Variants in NEGR1 observed in about 807,000 individuals in gnomAD.
The protein encoded by NEGR1 is neuronal growth regulator 1.
A neutral mutation model predicts 40.9 loss-of-function variants in NEGR1; 10 were observed. That is an observed-to-expected ratio of 0.24 (90% CI 0.15 to 0.42). The LOEUF is 0.42. Among genes scored for constraint, NEGR1 ranks in the 10% least tolerant of loss-of-function variants. NEGR1 has a pLI of 1.00. For missense variants in NEGR1, 352 were observed against 438.9 expected (o/e 0.80, Z 1.77); for synonymous variants, 185 against 166.8 (o/e 1.11, Z -0.84).
At chr1:71,745,926 G>A (rs771744476) in intron 3 of NEGR1, among the ~76,000 whole-genome samples, 26 of 152,044 alleles carry the variant, frequency 1.7e-4, no homozygotes, top group African/African-American at 6.0e-4. Context: ...ATTCCAAAGG[G>A]GTCCTACTCT....
chr1:72,125,246 T>C (rs951208279), intron 1 of NEGR1, among the ~76,000 whole-genome samples: 1 of 152,072 alleles, frequency 6.6e-6, no homozygotes, highest in Non-Finnish European at 1.5e-5. Flanking sequence ...TCAATCTTAC[T>C]GAGAAAAATT....
At chr1:71,539,308 A>G (rs746511951) in intron 6 of NEGR1, among the ~76,000 whole-genome samples, 6 of 151,762 alleles carry the variant, frequency 4.0e-5, no homozygotes, top group Non-Finnish European at 7.4e-5. Flanking sequence ...CTATCATATA[A>G]TTCAGCCTTA....
chr1:72,118,278 A>G (rs1368169992), intron 1 of NEGR1, among the ~76,000 whole-genome samples: 1 of 151,904 alleles, frequency 6.6e-6, no homozygotes, highest in East Asian at 1.9e-4. Flanking sequence ...TCTGGCACCT[A>G]CAAGCTGTAG....
At chr1:71,755,233 G>C (rs768798644) in intron 3 of NEGR1, among the ~76,000 whole-genome samples, 8 of 151,952 alleles carry the variant, frequency 5.3e-5, no homozygotes, top group Admixed American at 2.0e-4. Flanking sequence ...TCAGTCTGTT[G>C]GTTTTACCTG....
chr1:71,680,188 G>A (rs773714129), intron 4 of NEGR1, among the ~76,000 whole-genome samples: 42 of 151,874 alleles, frequency 2.8e-4, no homozygotes, highest in Non-Finnish European at 5.3e-4. Context: ...AAGAGTTTGT[G>A]TAAATTTTAA....
intron 1 of NEGR1, among the ~76,000 whole-genome samples, chr1:72,235,175 AT>A (rs1374361137): frequency 1.3e-5 from 2 of 152,164 alleles, no homozygotes; most frequent in African/African-American, 4.8e-5. Context: ...GGAGAAAGGT[AT>A]CACCGCAAAT....
chr1:71,734,933 T>A (rs1654999425), intron 3 of NEGR1, among the ~76,000 whole-genome samples: 1 of 151,988 alleles, frequency 6.6e-6, no homozygotes, highest in African/African-American at 2.4e-5. Context: ...CCATTTCCAT[T>A]TAATTACAGT....
At chr1:72,268,848 G>A (rs1347367962) in intron 1 of NEGR1, among the ~76,000 whole-genome samples, 2 of 151,340 alleles carry the variant, frequency 1.3e-5, no homozygotes, top group Non-Finnish European at 3.0e-5. Context: ...AAAATGGAAG[G>A]GTTTAAGAAC....
At chr1:71,657,002 A>G (rs1651900398) in intron 4 of NEGR1, among the ~76,000 whole-genome samples, 1 of 152,236 alleles carries the variant, frequency 6.6e-6, no homozygotes, top group South Asian at 2.1e-4. Context: ...GGCTTCAAAA[A>G]TAATAGCCAG....
chr1:72,259,810 C>T (rs1268742605), intron 1 of NEGR1, among the ~76,000 whole-genome samples: 2 of 151,988 alleles, frequency 1.3e-5, no homozygotes, highest in Admixed American at 6.6e-5. Flanking sequence ...TAAAACTATT[C>T]TTGTATATGG....
At chr1:71,723,328 A>G (rs1176334946) in intron 3 of NEGR1, among the ~76,000 whole-genome samples, 1 of 152,110 alleles carries the variant, frequency 6.6e-6, no homozygotes, top group African/African-American at 2.4e-5. Flanking sequence ...TCATAATGAG[A>G]CAACTTTTGG....
chr1:71,992,669 C>T (rs1044076944), intron 1 of NEGR1, among the ~76,000 whole-genome samples: 1 of 120,400 alleles, frequency 8.3e-6, no homozygotes, highest in African/African-American at 3.1e-5. Context: ...TTCAGAACAG[C>T]TACACTAAAA....
At chr1:72,233,279 A>AT (rs1347594127) in intron 1 of NEGR1, among the ~76,000 whole-genome samples, 9 of 152,258 alleles carry the variant, frequency 5.9e-5, no homozygotes, top group African/African-American at 2.2e-4. Context: ...AACTTTATTA[A>AT]TTTTTTAAAT....
intron 6 of NEGR1, among the ~76,000 whole-genome samples, chr1:71,523,231 GGTT>G (rs926992293): frequency 6.6e-6 from 1 of 151,120 alleles, no homozygotes. Flanking sequence ...TGGGTTGTTG[GGTT>G]GTTGTGAGGA....
intron 1 of NEGR1, among the ~76,000 whole-genome samples, chr1:72,139,410 GAA>G (rs925066123): frequency 6.6e-6 from 1 of 151,696 alleles, no homozygotes; most frequent in Non-Finnish European, 1.5e-5. Flanking sequence ...ATACTGATCA[GAA>G]AAAAATAAAA....
intron 4 of NEGR1, among the ~76,000 whole-genome samples, chr1:71,638,146 A>G (rs995889048): frequency 1.3e-5 from 2 of 152,028 alleles, no homozygotes; most frequent in Non-Finnish European, 2.9e-5. Flanking sequence ...CACTTTAAAC[A>G]TGGCTATCTC....
chr1:71,946,590 T>C (rs534980561), intron 1 of NEGR1, among the ~76,000 whole-genome samples: 2 of 152,288 alleles, frequency 1.3e-5, no homozygotes, highest in African/African-American at 4.8e-5. Context: ...CTTTTTCTCC[T>C]TAAACTGATA....
intron 1 of NEGR1, among the ~76,000 whole-genome samples, chr1:72,218,023 A>G (rs1290768801): frequency 6.6e-6 from 1 of 151,910 alleles, no homozygotes; most frequent in Admixed American, 6.6e-5. Context: ...AATTCTTTAT[A>G]CAGTAAAACT....
chr1:71,593,516 G>C (rs1649574895), intron 5 of NEGR1, among the ~76,000 whole-genome samples: 1 of 152,120 alleles, frequency 6.6e-6, no homozygotes, highest in South Asian at 2.1e-4. Flanking sequence ...AACCTAAAAA[G>C]AGACAGTCAT....
Sources: gnomAD v4.1 joint callset for allele counts (sites outside exome capture counted in the v4.1 genomes callset) on GRCh38, gnomAD v4.1.1 for gene constraint, MANE v1.5 for transcripts, NCBI Gene and HGNC (gene_info 2026-07-23, HGNC 2026-07-21) for gene names.